PIEZO2: variants seen among roughly 807,000 people sequenced by gnomAD.
PIEZO2 encodes the protein piezo-type mechanosensitive ion channel component 2.
Under a neutral mutation model 337.3 loss-of-function variants are expected in PIEZO2, and 172 were observed. The observed-to-expected ratio is 0.51, with a 90% CI of 0.45 to 0.58. The LOEUF (loss-of-function observed/expected upper bound fraction) is 0.58, where lower values mean the gene tolerates loss of function less well. Among genes scored for constraint, PIEZO2 ranks in the 20% least tolerant of loss-of-function variants. The pLI, the probability that PIEZO2 is intolerant of heterozygous loss-of-function variation, is 0.00. For missense variants in PIEZO2, 3,028 were observed against 3,391.3 expected, an observed-to-expected ratio of 0.89 and a Z score of 2.66; for synonymous variants, 1,251 against 1,228.5, an observed-to-expected ratio of 1.02 and a Z score of -0.38.
chr18:10,680,751 C>T (rs1355833806), intron 51 of PIEZO2, among the ~76,000 whole-genome samples: 1 of 152,184 alleles, frequency 6.6e-6, no homozygotes, highest in African/African-American at 2.4e-5. Context: ...GACATCCCAA[C>T]CCTCTCTGAA....
intron 32 of PIEZO2, among the ~76,000 whole-genome samples, chr18:10,741,722 G>A (rs1431301695): frequency 1.3e-5 from 2 of 152,092 alleles, no homozygotes; most frequent in Non-Finnish European, 2.9e-5. Flanking sequence ...CATTTGAGCA[G>A]GCAACGATTG....
At chr18:10,967,347 G>C (rs771659435) in intron 3 of PIEZO2, among the ~76,000 whole-genome samples, 1 of 152,022 alleles carries the variant, frequency 6.6e-6, no homozygotes, top group African/African-American at 2.4e-5. Context: ...TCCACTCATT[G>C]ACTGATGGGC....
At chr18:10,938,918 C>T (rs1257500915) in intron 3 of PIEZO2, among the ~76,000 whole-genome samples, 1 of 152,128 alleles carries the variant, frequency 6.6e-6, no homozygotes, top group Non-Finnish European at 1.5e-5. Context: ...AACCTTGTCT[C>T]TGCTAAAAAT....
chr18:10,961,136 G>A (rs264195), intron 3 of PIEZO2, among the ~76,000 whole-genome samples: 13 of 151,170 alleles, frequency 8.6e-5, no homozygotes, highest in African/African-American at 1.2e-4. Context: ...AGCCAAGATC[G>A]TGCCATTGCA....
At position 10,888,325 on chromosome 18, in the gene PIEZO2, G is replaced by A. The variant is rs2042665245; in HGVS notation, c.330-16910C>T. On this transcript the variant is annotated intron_variant, in intron 4 of 55. Transcript: ENST00000674853. The surrounding 1 kb of genome is among the most constrained non-coding windows in gnomAD (Gnocchi z 4.1). Reference sequence around the variant, plus strand: ...AGGGCCCCTCCACGCTGGCTCCTGGGAAATGTCCTTGTCATTCACTGTGCA... The same window carrying A: ...AGGGCCCCTCCACGCTGGCTCCTGGAAAATGTCCTTGTCATTCACTGTGCA... Among the ~76,000 whole-genome samples the A allele has an allele frequency of 6.6e-6, 1 of 152,168 alleles. No homozygotes were observed. Among genetic ancestry groups the A allele is most frequent in the Admixed American group, 6.5e-5 (1 of 15,276 alleles).
chr18:11,137,478 G>A (rs2040521021), intron 1 of PIEZO2, among the ~76,000 whole-genome samples: 1 of 152,224 alleles, frequency 6.6e-6, no homozygotes, highest in South Asian at 2.1e-4. Context: ...TAGAGATGAT[G>A]TAATTGAAAA....
chr18:11,131,904 C>T lies in PIEZO2; in HGVS notation c.64+16621G>A, dbSNP rs1414892341. Among the ~76,000 whole-genome samples the T allele has an allele frequency of 1.3e-5, 2 of 152,180 alleles. No homozygotes were observed. The highest frequency in any genetic ancestry group is 2.9e-5 in the Non-Finnish European group (2 of 68,030). ...TCTTTCCCCAGCCACCCAATGGGCC[C>T]ATGAACAAAGGGGCCATGGTGGCAG... On this transcript the variant is annotated intron_variant, in intron 1 of 55. Transcript: ENST00000674853. The surrounding 1 kb of genome is among the most constrained non-coding windows in gnomAD (Gnocchi z 5.3).
chr18:10,835,690 C>T (rs9960057), intron 7 of PIEZO2, among the ~76,000 whole-genome samples: 1,778 of 152,248 alleles, frequency 0.012, 31 homozygotes, highest in African/African-American at 0.041. Flanking sequence ...ATTACAGGCA[C>T]GTGCTACCAC....
chr18:10,675,305 A>C lies in PIEZO2; in HGVS notation c.8082-17T>G. The stretch of plus-strand genomic sequence containing the variant: ...TCTATGGTCCTGTACATTAAGAAAA[A>C]AAAGATACAATTACGTTTTAGTTGT... On this transcript the variant is annotated splice_polypyrimidine_tract_variant and intron_variant, in intron 53 of 55. Coordinates refer to ENST00000674853, the MANE Select transcript of PIEZO2 (RefSeq NM_001378183.1). 1 of 1,400,516 alleles carries C rather than the reference A, an allele frequency of 7.1e-7. No individual in the cohort carries two copies. The highest frequency in any genetic ancestry group is 9.6e-7 in the Non-Finnish European group (1 of 1,041,176). The allele number at this position is 1,400,516 out of a possible 1,614,324, so 86.8% of individuals were successfully genotyped here. A position where few individuals can be genotyped will look rare whatever the true frequency, so the allele number is the denominator to read the frequency against.
chr18:11,042,568 TG>T (rs2145813568), intron 2 of PIEZO2, among the ~76,000 whole-genome samples: 1 of 152,280 alleles, frequency 6.6e-6, no homozygotes, highest in South Asian at 2.1e-4. Context: ...CTCGCTGTGG[TG>T]GGAGGCAGGG....
At chr18:10,779,086 CA>C (rs2038891629) in intron 18 of PIEZO2, among the ~76,000 whole-genome samples, 1 of 152,092 alleles carries the variant, frequency 6.6e-6, no homozygotes, top group South Asian at 2.1e-4. Flanking sequence ...GTTTCTTTTT[CA>C]GGTTGTCAAA....
rs1188912484 is a variant in PIEZO2 at position 10,744,279 on chromosome 18, T to C, written c.4425-48A>G. ...AACAAGTCAATATTCTTGCCATTGT[T>C]GTTCCCCTTTTCCTGAAAATTATTA... On this transcript the variant is annotated intron_variant, in intron 30 of 55. Coordinates refer to ENST00000674853, the MANE Select transcript of PIEZO2 (RefSeq NM_001378183.1). 4.1e-6 allele frequency: 5 copies of C among 1,208,524 alleles called. No homozygotes were observed. In the Admixed American group the frequency reaches 1.0e-4, roughly 24 times the overall value. The allele number at this position is 1,208,524 out of a possible 1,614,324, so 74.9% of individuals were successfully genotyped here.
At chr18:11,068,957 C>T (rs2038246553) in intron 1 of PIEZO2, among the ~76,000 whole-genome samples, 1 of 152,002 alleles carries the variant, frequency 6.6e-6, no homozygotes, top group African/African-American at 2.4e-5. Context: ...TACAACCTAC[C>T]ATGATGGAAT....
In PIEZO2 at chr18:10,744,134, ATCCTTAC is replaced by A; in HGVS notation, c.4514+1_4514+7del. The A allele has an allele frequency of 6.6e-7, 1 of 1,521,600 alleles. No homozygotes were observed. The highest frequency in any genetic ancestry group is 8.8e-7 in the Non-Finnish European group (1 of 1,132,764). 94.3% of individuals were successfully genotyped at this position (1,521,600 alleles called of 1,614,324 possible). On this transcript the variant is annotated splice_donor_variant and splice_donor_5th_base_variant and intron_variant, in intron 31 of 55. Transcript: ENST00000674853. LOFTEE classifies it high-confidence loss of function. ...CGGAAGGAGGATGAGCATCAATAGC[ATCCTTAC>A]TGTCGCTTCAGCTGGTCCATGGACT...
rs527682982 is a variant in PIEZO2, at chr18:10,746,397, C to T, written c.4424+2074G>A. On this transcript the variant is annotated intron_variant, in intron 30 of 55. Transcript: ENST00000674853. This position sits in a 1 kb window ranked among gnomAD's most constrained non-coding sequence, Gnocchi z 4.2. ...TGAGCTTCTGATGGCTACTTCCCTC[C>T]GTAGTTTCACTGGGCTGCTTCCCCT... 3.3e-5 allele frequency among the ~76,000 whole-genome samples: 5 copies of T among 152,338 alleles called. No homozygotes were observed. Among genetic ancestry groups the T allele is most frequent in the East Asian group, 1.9e-4 (1 of 5,178 alleles).
chr18:10,891,284 C>G (rs962191639), intron 4 of PIEZO2, among the ~76,000 whole-genome samples: 1 of 152,070 alleles, frequency 6.6e-6, no homozygotes, highest in Non-Finnish European at 1.5e-5. Flanking sequence ...GATTGCGCTA[C>G]TGCACTCCAG....
At chr18:10,723,540 G>A (rs981207468) in intron 36 of PIEZO2, among the ~76,000 whole-genome samples, 2 of 152,116 alleles carry the variant, frequency 1.3e-5, no homozygotes, top group African/African-American at 4.8e-5. Flanking sequence ...TTTTTAAGAT[G>A]GAGAAATAAC....
rs568255201 is a variant in PIEZO2 at position 10,861,581 on chromosome 18, G to C, written c.493-4370C>G. 1.4e-4 allele frequency among the ~76,000 whole-genome samples: 22 copies of C among 152,338 alleles called. No homozygotes were observed. The highest frequency in any genetic ancestry group is 5.0e-4 in the African/African-American group (21 of 41,586). On this transcript the variant is annotated intron_variant, in intron 5 of 55. Transcript: ENST00000674853. This position sits in a 1 kb window ranked among gnomAD's most constrained non-coding sequence, Gnocchi z 4.3. ...ACTGATAGAAGTAGAGAGTAGAGGG[G>C]TAGTTACCAGAGGCTGGGGAAGGAG...
At chr18:10,696,997 C>T (rs1413669516) in intron 45 of PIEZO2, among the ~76,000 whole-genome samples, 1 of 152,184 alleles carries the variant, frequency 6.6e-6, no homozygotes, top group East Asian at 1.9e-4. Context: ...GGCGCTCAGA[C>T]TTGGAGTGCT....
Sources: gnomAD v4.1 joint callset for allele counts (sites outside exome capture counted in the v4.1 genomes callset) on GRCh38, gnomAD v4.1.1 for gene constraint, Gnocchi (gnomAD v3.1) non-coding constraint, MANE v1.5 for transcripts, NCBI Gene and HGNC (gene_info 2026-07-23, HGNC 2026-07-21) for gene names.